The following IPO8 variants were observed in gnomAD, a reference collection of about 807,000 sequenced individuals.
The protein encoded by IPO8 is importin 8, also known as importin-8.
In IPO8, 65 loss-of-function variants were observed where a neutral mutation model predicts 141.2. That is an observed-to-expected ratio of 0.46 (90% CI 0.38 to 0.57). The LOEUF is 0.57. IPO8 is among the 20% of genes least tolerant of loss of function. IPO8 has a pLI of 0.00. For synonymous variants in IPO8, 411 were observed against 420.3 expected (o/e 0.98, Z 0.27); for missense variants, 980 against 1,246.8 (o/e 0.79, Z 3.22).
chr12:30,656,727 G>C lies in IPO8; in HGVS notation c.1905C>G (p.Ile635Met), dbSNP rs2052806001. ...GAACAAGATCAATGATCCGTAGACA[G>C]ATATTCTCTAACTGCTGGGTAATCT... ...HKEITQQLEN[I>M]CLRIIDLVLQ... The change falls in exon 17 of 25, where the codon ATC becomes ATG. Residue 635 changes from isoleucine to methionine, a missense_variant. This residue lies in a region of IPO8 where 924 missense variants were observed against 1,153.9 expected (regional missense o/e 0.80). Transcript: ENST00000256079. 2 of 1,535,984 alleles carry C rather than the reference G, an allele frequency of 1.3e-6. No individual in the cohort carries two copies. Among genetic ancestry groups the C allele is most frequent in the Non-Finnish European group, 1.8e-6 (2 of 1,126,918 alleles).
In IPO8 at chr12:30,677,795, T is replaced by C. The variant is rs117671355; in HGVS notation, c.640-1208A>G. On this transcript the variant is annotated intron_variant, in intron 5 of 24. Transcript: ENST00000256079. ...TATTATTGTACAGTTGTACAACATGTTAATATTTTAAACTAAGTGTTAGTA... is the reference window on the plus strand; with the variant it reads ...TATTATTGTACAGTTGTACAACATGCTAATATTTTAAACTAAGTGTTAGTA... Among the ~76,000 whole-genome samples the C allele has an allele frequency of 3.8e-3, 582 of 152,330 alleles. 4 individuals are homozygous for C. Among genetic ancestry groups the C allele is most frequent in the South Asian group, 0.015 (74 of 4,828 alleles).
chr12:30,636,863 T>A, intron 22 of IPO8, 119 bp downstream of exon 22: 1 of 822,426 alleles, frequency 1.2e-6, no homozygotes, highest in Non-Finnish European at 1.9e-6. Context: ...ATTTGTTATA[T>A]GTGTAGCAGG....
chr12:30,632,304 G>C (rs1485557774), intron 23 of IPO8, among the ~76,000 whole-genome samples: 3 of 152,096 alleles, frequency 2.0e-5, no homozygotes, highest in African/African-American at 7.2e-5. Flanking sequence ...CTAAAATCCA[G>C]AACACCAGTA....
At chr12:30,660,952 T>A (rs1325398523) in intron 16 of IPO8, among the ~76,000 whole-genome samples, 189 bp downstream of exon 16, 1 of 37,532 alleles carries the variant, frequency 2.7e-5, no homozygotes, top group African/African-American at 1.8e-4. Context: ...TTACAAATAT[T>A]ATGATGTAAT....
rs751898645 is a variant in IPO8 at position 30,634,245 on chromosome 12, G to C, written c.2737C>G (p.Gln913Glu). 6.2e-7 allele frequency: 1 copy of C among 1,613,710 alleles called. No individual in the cohort carries two copies. The highest frequency in any genetic ancestry group is 8.5e-7 in the Non-Finnish European group (1 of 1,179,744). Residue 913 changes from glutamine (Q) to glutamate (E), a missense_variant, in exon 23 of 25, where the codon CAA becomes GAA. Coordinates refer to ENST00000256079, the MANE Select transcript of IPO8 (RefSeq NM_006390.4). ...CTTCCATTATTTGACTGCATTGCTT[G>C]AGCAGTTACATTTGTCTCCTCTTCA... is the stretch of plus-strand genomic sequence containing the variant. ...SDEEETNVTAQAMQSNNGRGE... is the reference protein window; with the variant it reads ...SDEEETNVTAEAMQSNNGRGE...
chr12:30,674,820 C>T (rs968081757), intron 6 of IPO8, 67 bp from the exon 7 acceptor site: 2 of 1,020,120 alleles, frequency 2.0e-6, no homozygotes, highest in African/African-American at 1.6e-5. Flanking sequence ...ATAACAAAGG[C>T]AAGATAAATC....
chr12:30,685,759 T>C (rs2053235745), intron 2 of IPO8, among the ~76,000 whole-genome samples: 1 of 151,706 alleles, frequency 6.6e-6, no homozygotes, highest in East Asian at 2.0e-4. Flanking sequence ...ACCCCGTCTC[T>C]ACTAAAAATA....
At position 30,630,858 on chromosome 12, in the gene IPO8, C is replaced by T; in HGVS notation, c.*2G>A. The stretch of plus-strand genomic sequence containing the variant: ...ACATTTGGTCAGCTGATGTTCTTTC[C>T]TTCAGTTGTTGCTGGGCACAGTCCC... On this transcript the variant is annotated 3_prime_UTR_variant, in exon 25 of 25. Transcript: ENST00000256079. The T allele has an allele frequency of 6.2e-7, 1 of 1,608,744 alleles. No homozygotes were observed. Among genetic ancestry groups the T allele is most frequent in the Non-Finnish European group, 8.5e-7 (1 of 1,175,790 alleles).
In IPO8 at chr12:30,681,622, C is replaced by T. The variant is rs764990574; in HGVS notation, c.482+37G>A. Reference sequence around the variant, plus strand: ...GCAACTTCATTATTTCTAAGTTACACAAGGCTGCTTTCTTCAGCCAATGGA... The same window carrying T: ...GCAACTTCATTATTTCTAAGTTACATAAGGCTGCTTTCTTCAGCCAATGGA... On this transcript the variant is annotated intron_variant, in intron 4 of 24. Transcript: ENST00000256079. 1.1e-5 allele frequency: 17 copies of T among 1,585,760 alleles called. No homozygotes were observed. In the South Asian group the frequency reaches 1.8e-4, roughly 17 times the overall value.
chr12:30,657,956 G>A (rs2052824708), intron 16 of IPO8, among the ~76,000 whole-genome samples: 1 of 152,104 alleles, frequency 6.6e-6, no homozygotes, highest in Admixed American at 6.5e-5. Context: ...AGATAGCTGG[G>A]GAGTTGAGTG....
Position 30,666,300 on chromosome 12 carries a change from A to T in IPO8, c.1145-49T>A, listed in dbSNP as rs1205405339. 3.7e-6 allele frequency: 5 copies of T among 1,363,662 alleles called. No homozygotes were observed. The South Asian group carries it at 6.6e-5, about 18-fold the overall frequency. 84.5% of individuals were successfully genotyped at this position (1,363,662 alleles called of 1,614,324 possible). On this transcript the variant is annotated intron_variant, in intron 10 of 24. Coordinates refer to ENST00000256079, the MANE Select transcript of IPO8 (RefSeq NM_006390.4). Reference sequence around the variant, plus strand: ...CATGTTAGTGAAAATATAATTACTTATTCTAGATTTTAAACCTGACTGACC... The same window carrying T: ...CATGTTAGTGAAAATATAATTACTTTTTCTAGATTTTAAACCTGACTGACC...
chr12:30,636,291 A>G (rs535556986), intron 22 of IPO8, among the ~76,000 whole-genome samples: 2 of 152,094 alleles, frequency 1.3e-5, no homozygotes. Flanking sequence ...CTCAGCTAAC[A>G]AAGTATCTGT....
intron 3 of IPO8, 74 bp downstream of exon 3, chr12:30,684,227 G>T: frequency 7.3e-7 from 1 of 1,364,302 alleles, no homozygotes; most frequent in Non-Finnish European, 1.0e-6. Context: ...CCAAGGATTA[G>T]ATCCAACAGC....
intron 3 of IPO8, among the ~76,000 whole-genome samples, chr12:30,683,395 A>T (rs1184612879): frequency 6.6e-6 from 1 of 152,260 alleles, no homozygotes; most frequent in African/African-American, 2.4e-5. Context: ...CATGATGGCT[A>T]TTAGATACTA....
chr12:30,669,390 A>G (rs2053016379), intron 9 of IPO8, 108 bp from the exon 10 acceptor site: 1 of 519,882 alleles, frequency 1.9e-6, no homozygotes, highest in South Asian at 3.4e-5. Flanking sequence ...AGTTTTCCAA[A>G]CTCTGTGTGT....
At chr12:30,685,500 TTGTGTGTGTGTGTG>T (rs112645384) in intron 2 of IPO8, among the ~76,000 whole-genome samples, 7,203 of 148,640 alleles carry the variant, frequency 0.048, 577 homozygotes, top group African/African-American at 0.17. Flanking sequence ...ACTTATAATG[TTGTGTGTGTGTGTG>T]TGTGTGTGTG....
chr12:30,642,417 G>A (rs1377628237), intron 20 of IPO8, among the ~76,000 whole-genome samples: 1 of 151,844 alleles, frequency 6.6e-6, no homozygotes, highest in Non-Finnish European at 1.5e-5. Flanking sequence ...ACCTGCACAT[G>A]TATCCCCCAA....
At chr12:30,684,227 G>C (rs2053217059) in intron 3 of IPO8, 74 bp downstream of exon 3, 4 of 1,364,184 alleles carry the variant, frequency 2.9e-6, no homozygotes, top group South Asian at 1.3e-5. Context: ...CCAAGGATTA[G>C]ATCCAACAGC....
Position 30,633,778 on chromosome 12 carries a change from C to T in IPO8, c.2899+305G>A, listed in dbSNP as rs145077518. ...CATTCTTTGCTATAAAAATGCTTGC[C>T]CATTTATGCCTAAAGGATGAACAAT... On this transcript the variant is annotated intron_variant, in intron 23 of 24. Transcript: ENST00000256079. 2.4e-3 allele frequency among the ~76,000 whole-genome samples: 365 copies of T among 152,190 alleles called. 2 individuals are homozygous for T. Among genetic ancestry groups the T allele is most frequent in the African/African-American group, 7.7e-3 (320 of 41,514 alleles).
Sources: allele counts gnomAD v4.1 joint callset (sites outside exome capture counted in the v4.1 genomes callset), GRCh38; gene constraint gnomAD v4.1.1; regional missense constraint gnomAD v4.1.1; transcripts MANE v1.5; gene names NCBI Gene and HGNC (gene_info 2026-07-23, HGNC 2026-07-21).